Variants in PPFIA3 observed in about 807,000 individuals in gnomAD.
PPFIA3 encodes the protein liprin-alpha-3.
Under a neutral mutation model 145.8 loss-of-function variants are expected in PPFIA3, and 26 were observed. The observed-to-expected ratio is 0.18, with a 90% CI of 0.13 to 0.25. The LOEUF (loss-of-function observed/expected upper bound fraction) is 0.25, where lower values mean the gene tolerates loss of function less well. Among genes scored for constraint, PPFIA3 ranks in the 10% least tolerant of loss-of-function variants. The pLI is 1.00. For synonymous variants in PPFIA3, 645 were observed against 661.4 expected (o/e 0.98, Z 0.38); for missense variants, 1,008 against 1,587.8 (o/e 0.63, Z 6.21).
In PPFIA3 at chr19:49,148,985, G is replaced by A; in HGVS notation, c.3110-8G>A. 1.2e-6 allele frequency: 2 copies of A among 1,612,706 alleles called. No individual in the cohort carries two copies. The highest frequency in any genetic ancestry group is 1.1e-5 in the South Asian group (1 of 90,936). On this transcript the variant is annotated splice_region_variant and splice_polypyrimidine_tract_variant and intron_variant, in intron 25 of 29. Coordinates refer to ENST00000334186, the MANE Select transcript of PPFIA3 (RefSeq NM_003660.4). ...AGGGGCACGGCTGAGGGTCCCTTCC[G>A]TCCCCAGACGTGATGGTGTGGTCCA...
Position 49,133,502 on chromosome 19 carries a change from G to T in PPFIA3, c.1161+131G>T. ...TTGGGGGAAAGGGTGGGGCCTAGGG[G>T]CTGGGAAAGGGACAGGACTTGGAAT... On this transcript the variant is annotated intron_variant, in intron 9 of 29. Transcript: ENST00000334186. The surrounding 1 kb of genome is among the most constrained non-coding windows in gnomAD (Gnocchi z 7.2). The T allele has an allele frequency of 8.4e-7, 1 of 1,197,078 alleles. No individual in the cohort carries two copies. The highest frequency in any genetic ancestry group is 1.5e-5 in the African/African-American group (1 of 64,810). 74.2% of individuals were successfully genotyped at this position (1,197,078 alleles called of 1,614,324 possible). A position where few individuals can be genotyped will look rare whatever the true frequency, so the allele number is the denominator to read the frequency against.
intron 1 of PPFIA3, among the ~76,000 whole-genome samples, chr19:49,127,603 A>AT (rs1371552181): frequency 3.3e-5 from 5 of 150,852 alleles, no homozygotes; most frequent in South Asian, 2.1e-4. Context: ...TGTTAAAAAA[A>AT]AATAATAATA....
rs1045491876 is a variant in PPFIA3 at position 49,132,408 on chromosome 19, A to G, written c.880-593A>G. 5.5e-4 allele frequency among the ~76,000 whole-genome samples: 82 copies of G among 149,992 alleles called. 1 individual carries two copies. The highest frequency in any genetic ancestry group is 1.9e-3 in the African/African-American group (77 of 40,812). On this transcript the variant is annotated intron_variant, in intron 7 of 29. Transcript: ENST00000334186. ...TCTCTCTCAAAAAAAAAAAAAAAAA[A>G]AAAAAAAAAAAAGAAAGAGAGAGAG...
At chr19:49,136,652 T>C (rs557232473) in intron 14 of PPFIA3, 72 bp from the exon 15 acceptor site, 1 of 1,095,908 alleles carries the variant, frequency 9.1e-7, no homozygotes, top group Admixed American at 3.5e-5. Flanking sequence ...CAAGTCAGGA[T>C]CATGAGCCAA....
intron 21 of PPFIA3, among the ~76,000 whole-genome samples, chr19:49,145,199 T>C (rs747758090): frequency 1.3e-5 from 2 of 152,138 alleles, no homozygotes; most frequent in Non-Finnish European, 2.9e-5. Context: ...CCCGAAGTGC[T>C]AGACCACTCT....
At position 49,133,618 on chromosome 19, in the gene PPFIA3, G is replaced by T. The variant is rs1376716260; in HGVS notation, c.1162-178G>T. Among the ~76,000 whole-genome samples the T allele has an allele frequency of 1.3e-5, 2 of 152,146 alleles. No homozygotes were observed. Among genetic ancestry groups the T allele is most frequent in the Non-Finnish European group, 2.9e-5 (2 of 68,016 alleles). On this transcript the variant is annotated intron_variant, in intron 9 of 29. Coordinates refer to ENST00000334186, the MANE Select transcript of PPFIA3 (RefSeq NM_003660.4). This position sits in a 1 kb window ranked among gnomAD's most constrained non-coding sequence, Gnocchi z 7.2. ...GACCGGTGGCCTGGAACCTGAGAGG[G>T]AAGGAACAGGTCCTGAAAAAGTGGA...
intron 21 of PPFIA3, among the ~76,000 whole-genome samples, chr19:49,143,919 C>T (rs1173758739): frequency 6.6e-6 from 1 of 152,006 alleles, no homozygotes; most frequent in Non-Finnish European, 1.5e-5. Context: ...GGATGGGAGC[C>T]AAGCCTAAAC....
chr19:49,124,159 T>C (rs1389465413), intron 1 of PPFIA3, among the ~76,000 whole-genome samples: 1 of 152,082 alleles, frequency 6.6e-6, no homozygotes, highest in Non-Finnish European at 1.5e-5. Context: ...TTTTTAAAAA[T>C]GTAATTAAAT....
At position 49,130,161 on chromosome 19, in the gene PPFIA3, A is replaced by C; in HGVS notation, c.657+94A>C. 1 of 1,356,824 alleles carries C rather than the reference A, an allele frequency of 7.4e-7. No homozygotes were observed. Among genetic ancestry groups the C allele is most frequent in the Non-Finnish European group, 1.0e-6 (1 of 990,658 alleles). The allele number at this position is 1,356,824 out of a possible 1,614,324, so 84.0% of individuals were successfully genotyped here. A position where few individuals can be genotyped will look rare whatever the true frequency, so the allele number is the denominator to read the frequency against. ...GTTTGGTATCATCCTCACTGGCCCT[A>C]AGACGGCTGCACCTGTAAGAGTGTC... On this transcript the variant is annotated intron_variant, in intron 6 of 29. Transcript: ENST00000334186. The surrounding 1 kb of genome is among the most constrained non-coding windows in gnomAD (Gnocchi z 4.5).
chr19:49,129,294 C>G (rs1264495346), intron 4 of PPFIA3, 86 bp from the exon 5 acceptor site: 1 of 1,384,580 alleles, frequency 7.2e-7, no homozygotes. Context: ...CCTATCGGAT[C>G]CGTCCCAGGG....
At chr19:49,136,690 C>G in intron 14 of PPFIA3, 34 bp from the exon 15 acceptor site, 1 of 1,358,536 alleles carries the variant, frequency 7.4e-7, no homozygotes, top group Non-Finnish European at 9.6e-7. Flanking sequence ...GGCCCCCAGC[C>G]ACCTAATGTC....
chr19:49,145,590 C>CG (rs1019651286), intron 21 of PPFIA3: 7 of 301,236 alleles, frequency 2.3e-5, no homozygotes, highest in Non-Finnish European at 4.4e-5. Flanking sequence ...GTGAACCCCC[C>CG]CCGCCATACT....
chr19:49,149,468 G>C lies in PPFIA3; in HGVS notation c.3355-79G>C. The C allele has an allele frequency of 6.3e-7, 1 of 1,592,360 alleles. No individual in the cohort carries two copies. The highest frequency in any genetic ancestry group is 8.6e-7 in the Non-Finnish European group (1 of 1,162,950). On this transcript the variant is annotated intron_variant, in intron 27 of 29. Transcript: ENST00000334186. This position sits in a 1 kb window ranked among gnomAD's most constrained non-coding sequence, Gnocchi z 5.7. ...GGGGTTAAAGGAGAGGTGAGACCCG[G>C]AGAGGGGTGGAGTCAAAGGAAGGGG...
chr19:49,134,011 C>T (rs1349454985), intron 10 of PPFIA3, 23 bp from the exon 11 acceptor site: 1 of 1,607,094 alleles, frequency 6.2e-7, no homozygotes, highest in African/African-American at 1.3e-5. Flanking sequence ...GCTTAACAAC[C>T]CGCCCCGCTC....
At chr19:49,137,507 G>A (rs1306576206) in intron 15 of PPFIA3, among the ~76,000 whole-genome samples, 5 of 151,822 alleles carry the variant, frequency 3.3e-5, no homozygotes, top group Non-Finnish European at 5.9e-5. Context: ...GCAGGCGCCC[G>A]TAGTCCCAGC....
At chr19:49,134,781 T>C (rs1555743412) in intron 12 of PPFIA3, 55 bp from the exon 13 acceptor site, 1 of 1,610,592 alleles carries the variant, frequency 6.2e-7, no homozygotes, top group Non-Finnish European at 8.5e-7. Flanking sequence ...TGGCAGGGGC[T>C]GTTCCTCCTG....
intron 11 of PPFIA3, 151 bp downstream of exon 11, chr19:49,134,316 C>A: frequency 1.8e-6 from 2 of 1,121,032 alleles, no homozygotes; most frequent in Non-Finnish European, 2.5e-6. Flanking sequence ...TGCTCTATTG[C>A]CCAGACCGCT....
At chr19:49,137,509 A>G (rs1474561659) in intron 15 of PPFIA3, among the ~76,000 whole-genome samples, 2 of 151,970 alleles carry the variant, frequency 1.3e-5, no homozygotes, top group African/African-American at 4.8e-5. Context: ...AGGCGCCCGT[A>G]GTCCCAGCTA....
intron 1 of PPFIA3, among the ~76,000 whole-genome samples, chr19:49,124,271 C>T (rs2040970672): frequency 6.6e-6 from 1 of 152,020 alleles, no homozygotes; most frequent in South Asian, 2.1e-4. Flanking sequence ...GTTTCCCAGG[C>T]TGGTCTCAAA....
Sources: gnomAD v4.1 joint callset for allele counts (sites outside exome capture counted in the v4.1 genomes callset) on GRCh38, gnomAD v4.1.1 for gene constraint, Gnocchi (gnomAD v3.1) non-coding constraint, MANE v1.5 for transcripts, NCBI Gene and HGNC (gene_info 2026-07-23, HGNC 2026-07-21) for gene names.